The following ARHGAP15 variants were observed in gnomAD, a reference collection of about 807,000 sequenced individuals.
ARHGAP15 encodes Rho GTPase activating protein 15.
Under a neutral mutation model 63.7 loss-of-function variants are expected in ARHGAP15, and 51 were observed. That is an observed-to-expected ratio of 0.80 (90% CI 0.64 to 1.01). The LOEUF (loss-of-function observed/expected upper bound fraction) is 1.01, where lower values mean the gene tolerates loss of function less well. ARHGAP15 is among the 50% of genes least tolerant of loss of function. The pLI, the probability that ARHGAP15 is intolerant of heterozygous loss-of-function variation, is 0.00. For missense variants in ARHGAP15, 560 were observed against 564.6 expected (o/e 0.99, Z 0.08); for synonymous variants, 191 against 193.8 (o/e 0.99, Z 0.12).
intron 2 of ARHGAP15, among the ~76,000 whole-genome samples, chr2:143,195,886 G>A (rs994905467): frequency 6.6e-5 from 10 of 151,886 alleles, no homozygotes; most frequent in Non-Finnish European, 1.2e-4. Flanking sequence ...TCCTACACAC[G>A]GAAAATAATA....
intron 9 of ARHGAP15, among the ~76,000 whole-genome samples, chr2:143,496,763 C>T (rs1405188867): frequency 6.6e-6 from 1 of 152,178 alleles, no homozygotes; most frequent in Non-Finnish European, 1.5e-5. Context: ...ATGAAACTGA[C>T]CCAATGCCTA....
intron 6 of ARHGAP15, among the ~76,000 whole-genome samples, chr2:143,389,209 C>T (rs1687436407): frequency 6.6e-6 from 1 of 151,354 alleles, no homozygotes; most frequent in Non-Finnish European, 1.5e-5. Flanking sequence ...GCTGGTGTAT[C>T]TGGTGAATTT....
chr2:143,329,917 C>T (rs1262982673), intron 6 of ARHGAP15, among the ~76,000 whole-genome samples: 2 of 130,102 alleles, frequency 1.5e-5, no homozygotes, highest in African/African-American at 3.1e-5. Flanking sequence ...CCCTCCAACC[C>T]CCATCACTAC....
chr2:143,637,703 A>C (rs1363409321), intron 12 of ARHGAP15, among the ~76,000 whole-genome samples: 1 of 151,668 alleles, frequency 6.6e-6, no homozygotes, highest in Non-Finnish European at 1.5e-5. Context: ...AAAAATTTAC[A>C]ACATTTGGGG....
chr2:143,653,139 A>C (rs1276402267), intron 12 of ARHGAP15, among the ~76,000 whole-genome samples: 1 of 152,084 alleles, frequency 6.6e-6, no homozygotes, highest in Non-Finnish European at 1.5e-5. Context: ...GATGAACATA[A>C]GGTTTCTCTT....
chr2:143,721,154 G>A (rs1685041487), intron 13 of ARHGAP15, among the ~76,000 whole-genome samples: 1 of 151,666 alleles, frequency 6.6e-6, no homozygotes, highest in Non-Finnish European at 1.5e-5. Context: ...AGGTGCCACT[G>A]CTGCTGCTGG....
At chr2:143,367,435 T>C (rs1369151981) in intron 6 of ARHGAP15, among the ~76,000 whole-genome samples, 1 of 151,964 alleles carries the variant, frequency 6.6e-6, no homozygotes, top group East Asian at 1.9e-4. Context: ...CCATCCTGTT[T>C]TGAGTCTCAC....
intron 3 of ARHGAP15, among the ~76,000 whole-genome samples, chr2:143,215,365 C>T (rs1250037405): frequency 2.6e-5 from 4 of 152,294 alleles, no homozygotes; most frequent in Non-Finnish European, 5.9e-5. Flanking sequence ...CCCAACCTCC[C>T]ACACAGCTGT....
At chr2:143,141,950 A>G (rs1689387848) in intron 1 of ARHGAP15, among the ~76,000 whole-genome samples, 1 of 152,108 alleles carries the variant, frequency 6.6e-6, no homozygotes, top group Non-Finnish European at 1.5e-5. Flanking sequence ...ACCTGTAGAC[A>G]AGAGAACGTC....
At chr2:143,732,232 C>T (rs1466425494) in intron 13 of ARHGAP15, among the ~76,000 whole-genome samples, 1 of 152,080 alleles carries the variant, frequency 6.6e-6, no homozygotes. Context: ...CACTGGACAC[C>T]TACATGGAGG....
chr2:143,294,205 C>A (rs768759513), intron 6 of ARHGAP15, among the ~76,000 whole-genome samples: 82 of 152,050 alleles, frequency 5.4e-4, no homozygotes, highest in Non-Finnish European at 9.6e-4. Context: ...GAACCACCAA[C>A]CTATTATGCA....
At chr2:143,244,639 G>C (rs544527488) in intron 5 of ARHGAP15, among the ~76,000 whole-genome samples, 3 of 152,300 alleles carry the variant, frequency 2.0e-5, no homozygotes, top group African/African-American at 7.2e-5. Flanking sequence ...GGGATGGTTG[G>C]AGGAGGACAG....
chr2:143,545,017 A>T lies in ARHGAP15; in HGVS notation c.926-11391A>T, dbSNP rs13407259. Reference sequence around the variant, plus strand: ...TTTGCCTGGGAAAGAGGCTAGTGACACTATAATTTCTCAGAAGTTTCGAAA... The same window carrying T: ...TTTGCCTGGGAAAGAGGCTAGTGACTCTATAATTTCTCAGAAGTTTCGAAA... On this transcript the variant is annotated intron_variant, in intron 10 of 13. Transcript: ENST00000295095. Among the ~76,000 whole-genome samples, 1,360 of 152,316 alleles carry T rather than the reference A, an allele frequency of 8.9e-3. 25 individuals are homozygous for T. The highest frequency in any genetic ancestry group is 0.031 in the African/African-American group (1,302 of 41,564).
At chr2:143,399,122 C>T (rs1687891618) in intron 6 of ARHGAP15, among the ~76,000 whole-genome samples, 1 of 152,026 alleles carries the variant, frequency 6.6e-6, no homozygotes, top group African/African-American at 2.4e-5. Context: ...GATCTCATTC[C>T]TTTCTTTTTC....
At chr2:143,252,325 G>A (rs932426602) in intron 6 of ARHGAP15, among the ~76,000 whole-genome samples, 4 of 151,992 alleles carry the variant, frequency 2.6e-5, no homozygotes, top group African/African-American at 9.7e-5. Context: ...TTGACAGTGT[G>A]TATCATCCCA....
intron 6 of ARHGAP15, among the ~76,000 whole-genome samples, chr2:143,291,281 T>C (rs1368561766): frequency 2.0e-5 from 3 of 152,084 alleles, no homozygotes; most frequent in Non-Finnish European, 2.9e-5. Flanking sequence ...TGGGGGGTAC[T>C]TGGGGATGAC....
At chr2:143,654,529 A>C (rs1048512403) in intron 12 of ARHGAP15, among the ~76,000 whole-genome samples, 3 of 152,324 alleles carry the variant, frequency 2.0e-5, no homozygotes, top group African/African-American at 2.4e-5. Context: ...TTTTGGTATT[A>C]ATTTTTGTAT....
chr2:143,412,374 T>TAA (rs201102430), intron 6 of ARHGAP15, among the ~76,000 whole-genome samples: 1 of 149,566 alleles, frequency 6.7e-6, no homozygotes, highest in Non-Finnish European at 1.5e-5. Context: ...AATGTATTGA[T>TAA]ATATATAATG....
chr2:143,258,613 C>A lies in ARHGAP15; in HGVS notation c.474+8013C>A, dbSNP rs1163563666. On this transcript the variant is annotated intron_variant, in intron 6 of 13. Coordinates refer to ENST00000295095, the MANE Select transcript of ARHGAP15 (RefSeq NM_018460.4). Reference sequence around the variant, plus strand: ...TATTTGAAGAGGGGAGGAGGCTGCTCTTTTATCTTAACAAAACAGGATGTT... The same window carrying A: ...TATTTGAAGAGGGGAGGAGGCTGCTATTTTATCTTAACAAAACAGGATGTT... 2.6e-5 allele frequency among the ~76,000 whole-genome samples: 4 copies of A among 152,076 alleles called. No homozygotes were observed. The East Asian group carries it at 7.7e-4, about 29-fold the overall frequency.
Sources: gnomAD v4.1 joint callset for allele counts (sites outside exome capture counted in the v4.1 genomes callset) on GRCh38, gnomAD v4.1.1 for gene constraint, MANE v1.5 for transcripts, NCBI Gene and HGNC (gene_info 2026-07-23, HGNC 2026-07-21) for gene names.